The following NR3C2 variants were observed in gnomAD, a reference collection of about 807,000 sequenced individuals.
NR3C2 encodes mineralocorticoid receptor.
NR3C2 carries 15 observed loss-of-function variants against 86.4 expected under a neutral mutation model. That is an observed-to-expected ratio of 0.17 (90% CI 0.12 to 0.27). The LOEUF (loss-of-function observed/expected upper bound fraction) is 0.27, where lower values mean the gene tolerates loss of function less well. Ranked by LOEUF, NR3C2 falls within the 10% of genes least tolerant of loss-of-function variation. The probability of loss-of-function intolerance (pLI) is 1.00; values close to 1 mark genes in which losing one functional copy is unlikely to be tolerated. For synonymous variants in NR3C2, 458 were observed against 450.5 expected (o/e 1.02, Z -0.21); for missense variants, 960 against 1,195.6 (o/e 0.80, Z 2.91).
intron 8 of NR3C2, among the ~76,000 whole-genome samples, chr4:148,095,033 G>A (rs1731220956): frequency 6.6e-6 from 1 of 152,122 alleles, no homozygotes; most frequent in East Asian, 1.9e-4. Context: ...TGCTTACCAG[G>A]AGTAGGGGAA....
intron 8 of NR3C2, among the ~76,000 whole-genome samples, chr4:148,112,349 G>T (rs1275078823): frequency 6.6e-6 from 1 of 152,170 alleles, no homozygotes; most frequent in Non-Finnish European, 1.5e-5. Flanking sequence ...ACAAATAAGA[G>T]AACTTACGAA....
intron 4 of NR3C2, among the ~76,000 whole-genome samples, chr4:148,181,749 T>C (rs1277788437): frequency 2.6e-5 from 4 of 152,240 alleles, no homozygotes; most frequent in Non-Finnish European, 5.9e-5. Flanking sequence ...CCTTTCAATT[T>C]ATCTGTTGAC....
chr4:148,320,192 T>C (rs1156289951), intron 2 of NR3C2, among the ~76,000 whole-genome samples: 3 of 77,542 alleles, frequency 3.9e-5, no homozygotes, highest in Non-Finnish European at 7.2e-5. Context: ...TTGATTTGCG[T>C]ATATTGAACC....
In NR3C2 at chr4:148,259,644, G is replaced by A. The variant is rs1054272893; in HGVS notation, c.1897+334C>T. On this transcript the variant is annotated intron_variant, in intron 3 of 8. Transcript: ENST00000358102. ...AAGGCAGAAATCATGTATTCTGTGT[G>A]TGCCTAGTAAAACTTCTATTCCAGA... is the stretch of plus-strand genomic sequence containing the variant. Among the ~76,000 whole-genome samples, 6 of 152,184 alleles carry A rather than the reference G, an allele frequency of 3.9e-5. No individual in the cohort carries two copies. In the South Asian group the frequency reaches 1.0e-3, roughly 26 times the overall value.
chr4:148,419,466 C>T (rs561728440), intron 2 of NR3C2, among the ~76,000 whole-genome samples: 7 of 152,180 alleles, frequency 4.6e-5, no homozygotes, highest in Non-Finnish European at 8.8e-5. Flanking sequence ...TTATTTGCAT[C>T]GAGAATGGCA....
At chr4:148,352,798 T>C (rs72656849) in intron 2 of NR3C2, among the ~76,000 whole-genome samples, 3,097 of 152,260 alleles carry the variant, frequency 0.02, 98 homozygotes, top group African/African-American at 0.072. Flanking sequence ...TGTTTTTAAG[T>C]AGAGAGATGC....
chr4:148,440,684 T>C (rs1378230928), intron 1 of NR3C2, among the ~76,000 whole-genome samples: 2 of 152,248 alleles, frequency 1.3e-5, no homozygotes, highest in Non-Finnish European at 2.9e-5. Context: ...CTTTAAGCCA[T>C]ACATATGCTC....
intron 2 of NR3C2, among the ~76,000 whole-genome samples, chr4:148,430,223 T>A (rs1008989919): frequency 2.0e-5 from 3 of 152,154 alleles, no homozygotes; most frequent in Admixed American, 2.0e-4. Context: ...TTAAGTGGAA[T>A]AATTTGAGGT....
chr4:148,304,636 C>T, intron 2 of NR3C2, among the ~76,000 whole-genome samples: 1 of 152,076 alleles, frequency 6.6e-6, no homozygotes, highest in Non-Finnish European at 1.5e-5. Flanking sequence ...TCATCCTCTT[C>T]CTTATCCTTA....
intron 3 of NR3C2, among the ~76,000 whole-genome samples, chr4:148,242,194 T>C (rs1739087956): frequency 6.6e-6 from 1 of 152,194 alleles, no homozygotes; most frequent in Non-Finnish European, 1.5e-5. Flanking sequence ...ATAATTAAGA[T>C]GATAAATCTA....
intron 2 of NR3C2, among the ~76,000 whole-genome samples, chr4:148,383,779 C>A (rs1044593746): frequency 6.6e-6 from 1 of 151,948 alleles, no homozygotes; most frequent in Non-Finnish European, 1.5e-5. Context: ...GAAACCCCGT[C>A]TCTACTAAAA....
At chr4:148,316,834 C>T (rs1017728171) in intron 2 of NR3C2, among the ~76,000 whole-genome samples, 1 of 152,094 alleles carries the variant, frequency 6.6e-6, no homozygotes, top group Non-Finnish European at 1.5e-5. Context: ...CAGGCTCTCG[C>T]TCTGTTGCCC....
chr4:148,443,134 G>A (rs1750433655), upstream of NR3C2, among the ~76,000 whole-genome samples: 2 of 141,038 alleles, frequency 1.4e-5, no homozygotes, highest in Middle Eastern at 3.6e-3. Context: ...AGACGATCAC[G>A]TTCACTCGAT....
At chr4:148,222,055 G>A (rs1300811346) in intron 3 of NR3C2, among the ~76,000 whole-genome samples, 1 of 151,838 alleles carries the variant, frequency 6.6e-6, no homozygotes, top group Non-Finnish European at 1.5e-5. Context: ...ACCATATCTG[G>A]TACATAATAA....
At chr4:148,310,331 T>C (rs1440289754) in intron 2 of NR3C2, among the ~76,000 whole-genome samples, 1 of 152,128 alleles carries the variant, frequency 6.6e-6, no homozygotes, top group Non-Finnish European at 1.5e-5. Context: ...CAGCTGAAAA[T>C]GGCTAGATAA....
Position 148,436,346 on chromosome 4 carries a change from A to G in NR3C2, c.515T>C (p.Val172Ala), listed in dbSNP as rs1750071026. Residue 172 changes from valine to alanine, a missense_variant, in exon 2 of 9, where the codon GTG becomes GCG. Physicochemically the swap from Val to Ala is moderately conservative, Grantham distance 64. This residue lies in a region of NR3C2 where 680 missense variants were observed against 719.0 expected (regional missense o/e 0.95). Coordinates refer to ENST00000358102, the MANE Select transcript of NR3C2 (RefSeq NM_000901.5). Reference protein sequence around the residue: ...RSFMSDSGSSVNGGVMRAVVK... With the variant: ...RSFMSDSGSSANGGVMRAVVK... The stretch of plus-strand genomic sequence containing the variant: ...AACGGCGCGCATGACGCCACCATTC[A>G]CGGAGCTCCCAGAGTCAGACATAAA... The G allele has an allele frequency of 6.2e-7, 1 of 1,614,210 alleles. No individual in the cohort carries two copies. Among genetic ancestry groups the G allele is most frequent in the Admixed American group, 1.7e-5 (1 of 60,026 alleles).
intron 2 of NR3C2, among the ~76,000 whole-genome samples, chr4:148,300,296 C>A (rs569596210): frequency 2.6e-5 from 4 of 152,130 alleles, no homozygotes. Context: ...TTTGTTGATT[C>A]TCTTCCCCTC....
chr4:148,265,959 G>A (rs1740365687), intron 2 of NR3C2, among the ~76,000 whole-genome samples: 1 of 151,690 alleles, frequency 6.6e-6, no homozygotes, highest in Non-Finnish European at 1.5e-5. Context: ...CAATACAGAA[G>A]TAAACAAATA....
intron 2 of NR3C2, among the ~76,000 whole-genome samples, chr4:148,430,134 C>T (rs6817925): frequency 0.14 from 22,052 of 152,086 alleles, 4,053 homozygotes; most frequent in African/African-American, 0.43. Context: ...AATATCAAAT[C>T]TATAAGTAAT....
Sources: allele counts gnomAD v4.1 joint callset (sites outside exome capture counted in the v4.1 genomes callset), GRCh38; gene constraint gnomAD v4.1.1; regional missense constraint gnomAD v4.1.1; transcripts MANE v1.5; gene names NCBI Gene and HGNC (gene_info 2026-07-23, HGNC 2026-07-21).